EXOC2: variants seen among roughly 807,000 people sequenced by gnomAD.
EXOC2 encodes SEC5-like 1.
A neutral mutation model predicts 131.8 loss-of-function variants in EXOC2; 70 were observed. That is an observed-to-expected ratio of 0.53 (90% CI 0.44 to 0.65). The LOEUF is 0.65. EXOC2 is among the 30% of genes least tolerant of loss of function. The pLI is 0.00. For synonymous variants in EXOC2, 411 were observed against 398.4 expected, an observed-to-expected ratio of 1.03 and a Z score of -0.38; for missense variants, 923 against 1,108.6, an observed-to-expected ratio of 0.83 and a Z score of 2.38.
intron 25 of EXOC2, among the ~76,000 whole-genome samples, chr6:495,331 A>G (rs1403479543): frequency 1.3e-5 from 2 of 151,170 alleles, no homozygotes; most frequent in Non-Finnish European, 2.9e-5. Context: ...TCACCGTGTT[A>G]GCCAGGATGG....
intron 26 of EXOC2, among the ~76,000 whole-genome samples, chr6:489,598 A>G (rs183406305): frequency 3.9e-5 from 6 of 152,364 alleles, no homozygotes; most frequent in Admixed American, 3.9e-4. Flanking sequence ...GAATTTTAAA[A>G]AGAAAACTGT....
intron 4 of EXOC2, among the ~76,000 whole-genome samples, chr6:626,263 G>A (rs1250323216): frequency 1.3e-5 from 2 of 152,168 alleles, no homozygotes; most frequent in East Asian, 3.9e-4. Flanking sequence ...AATATGAAGG[G>A]TCTTAACAGT....
At chr6:650,299 A>T (rs1762771776) in intron 1 of EXOC2, among the ~76,000 whole-genome samples, 1 of 152,196 alleles carries the variant, frequency 6.6e-6, no homozygotes, top group Non-Finnish European at 1.5e-5. Context: ...AACGTTTCTT[A>T]TCTATAAACA....
In EXOC2 at chr6:607,519, C is replaced by T. The variant is rs577699053; in HGVS notation, c.742+2579G>A. On this transcript the variant is annotated intron_variant, in intron 7 of 27. Coordinates refer to ENST00000230449, the MANE Select transcript of EXOC2 (RefSeq NM_018303.6). Reference sequence around the variant, plus strand: ...GCTACTGCTACAAATACTTACACAGCATGTCTACACCTGCACTGTCTAACA... The same window carrying T: ...GCTACTGCTACAAATACTTACACAGTATGTCTACACCTGCACTGTCTAACA... Among the ~76,000 whole-genome samples the T allele has an allele frequency of 6.6e-5, 10 of 152,358 alleles. No homozygotes were observed. In the South Asian group the frequency reaches 1.9e-3, roughly 28 times the overall value.
chr6:615,176 GGTGTGGGT>G (rs202005763), intron 6 of EXOC2, among the ~76,000 whole-genome samples: 13,513 of 103,798 alleles, frequency 0.13, 1,028 homozygotes, highest in African/African-American at 0.27. Flanking sequence ...AGTATATGTG[GGTGTGGGT>G]GTGTGTGTGT....
At chr6:545,762 A>C (rs997229714) in intron 22 of EXOC2, among the ~76,000 whole-genome samples, 3 of 152,248 alleles carry the variant, frequency 2.0e-5, no homozygotes, top group African/African-American at 7.2e-5. Flanking sequence ...ATGTGATCAA[A>C]GATTATCTTC....
In EXOC2 at chr6:636,210, C is replaced by T. The variant is rs574497296; in HGVS notation, c.118+1491G>A. On this transcript the variant is annotated intron_variant, in intron 2 of 27. Transcript: ENST00000230449. ...AATGACTGCCAGCGAAAATTCTGGA[C>T]GGAACCCCCACCTGTGTGAGTAGAT... Among the ~76,000 whole-genome samples, 38 of 152,302 alleles carry T rather than the reference C, an allele frequency of 2.5e-4. No individual in the cohort carries two copies. The East Asian group carries it at 6.5e-3, about 26-fold the overall frequency.
intron 11 of EXOC2, among the ~76,000 whole-genome samples, chr6:588,704 C>T (rs1759356051): frequency 6.6e-6 from 1 of 152,186 alleles, no homozygotes; most frequent in African/African-American, 2.4e-5. Flanking sequence ...AGGCACTGCT[C>T]CCATTCCACG....
rs568483279 is a variant in EXOC2, at chr6:499,785, T to C, written c.2381-85A>G. On this transcript the variant is annotated intron_variant, in intron 23 of 27. Coordinates refer to ENST00000230449, the MANE Select transcript of EXOC2 (RefSeq NM_018303.6). ...TGCTGGCAGGCTGTACCCCATGCTT[T>C]AGAGTTTTCTGAGGAGAAACAGAAA... 3.3e-4 allele frequency: 356 copies of C among 1,071,928 alleles called. No individual in the cohort carries two copies. In the African/African-American group the frequency reaches 4.7e-3, roughly 14 times the overall value. The allele number at this position is 1,071,928 out of a possible 1,614,324, so 66.4% of individuals were successfully genotyped here. A position where few individuals can be genotyped will look rare whatever the true frequency, so the allele number is the denominator to read the frequency against.
chr6:685,127 AACACAC>A (rs35607623), intron 1 of EXOC2, among the ~76,000 whole-genome samples: 45 of 149,608 alleles, frequency 3.0e-4, no homozygotes, highest in South Asian at 1.7e-3. Context: ...ATCATTTGAA[AACACAC>A]ACACACACAC....
chr6:673,252 CAAAAAAAAAAAAA>C (rs56189394), intron 1 of EXOC2, among the ~76,000 whole-genome samples: 22 of 64,266 alleles, frequency 3.4e-4, no homozygotes, highest in African/African-American at 9.1e-4. Context: ...ACTCCATAGC[CAAAAAAAAAAAAA>C]AAAAAAAAAA....
intron 22 of EXOC2, among the ~76,000 whole-genome samples, chr6:543,869 C>A (rs189459953): frequency 2.4e-4 from 37 of 152,114 alleles, no homozygotes; most frequent in Middle Eastern, 3.4e-3. Flanking sequence ...CCAGGGAGGA[C>A]GTCTGGTAGG....
At position 555,943 on chromosome 6, in the gene EXOC2, T is replaced by C; in HGVS notation, c.1992+11A>G. On this transcript the variant is annotated intron_variant, in intron 19 of 27. Coordinates refer to ENST00000230449, the MANE Select transcript of EXOC2 (RefSeq NM_018303.6). ...TTTGAGGCTTTCAGCATTACTGCTT[T>C]CTATTATTACCTGCATTATATTGAT... is the stretch of plus-strand genomic sequence containing the variant. The C allele has an allele frequency of 6.2e-7, 1 of 1,612,820 alleles. No individual in the cohort carries two copies. Among genetic ancestry groups the C allele is most frequent in the Non-Finnish European group, 8.5e-7 (1 of 1,179,582 alleles).
chr6:620,411 A>G (rs1761226738), intron 4 of EXOC2, among the ~76,000 whole-genome samples: 2 of 152,284 alleles, frequency 1.3e-5, no homozygotes, highest in Non-Finnish European at 1.5e-5. Flanking sequence ...ACTGTCTCGC[A>G]TGTTGGTCTC....
chr6:624,548 G>A (rs1407870489), intron 4 of EXOC2, among the ~76,000 whole-genome samples: 1 of 152,106 alleles, frequency 6.6e-6, no homozygotes, highest in Non-Finnish European at 1.5e-5. Flanking sequence ...CAATAACTGA[G>A]TTAAATATTT....
chr6:499,476 G>C (rs878937336), intron 24 of EXOC2, among the ~76,000 whole-genome samples, 169 bp downstream of exon 24: 17 of 127,972 alleles, frequency 1.3e-4, no homozygotes, highest in Admixed American at 4.4e-4. Flanking sequence ...CACACACAGA[G>C]ACAGAGAGAG....
intron 1 of EXOC2, chr6:656,563 C>T (rs1166501299): frequency 1.9e-6 from 3 of 1,591,926 alleles, no homozygotes; most frequent in Non-Finnish European, 2.6e-6. Context: ...TCGTGCACCA[C>T]GCTGCGAGCG....
chr6:621,108 A>G (rs996156443), intron 4 of EXOC2, among the ~76,000 whole-genome samples: 3 of 152,186 alleles, frequency 2.0e-5, no homozygotes, highest in African/African-American at 7.2e-5. Context: ...GCCCATAGGC[A>G]CAACTTCCAA....
chr6:656,954 G>A, intron 1 of EXOC2: 1 of 1,510,986 alleles, frequency 6.6e-7, no homozygotes, highest in Non-Finnish European at 8.9e-7. Context: ...TGATGCCACA[G>A]GGAAGGCAGC....
Sources: gnomAD v4.1 joint callset for allele counts (sites outside exome capture counted in the v4.1 genomes callset) on GRCh38, gnomAD v4.1.1 for gene constraint, MANE v1.5 for transcripts, NCBI Gene and HGNC (gene_info 2026-07-23, HGNC 2026-07-21) for gene names.